Variants in PDE1A observed in about 807,000 individuals in gnomAD.
PDE1A encodes phosphodiesterase 1A.
In PDE1A, 35 loss-of-function variants were observed where a neutral mutation model predicts 61.7. The observed-to-expected ratio is 0.57, with a 90% CI of 0.43 to 0.75. The LOEUF is 0.75. PDE1A is among the 30% of genes least tolerant of loss of function. The probability of loss-of-function intolerance (pLI) is 0.00; values close to 1 mark genes in which losing one functional copy is unlikely to be tolerated. For missense variants in PDE1A, 597 were observed against 630.6 expected, an observed-to-expected ratio of 0.95 and a Z score of 0.57; for synonymous variants, 232 against 213.2, an observed-to-expected ratio of 1.09 and a Z score of -0.77.
chr2:182,143,133 A>G (rs1690307666), downstream of PDE1A: 2 of 152,222 alleles, frequency 1.3e-5, no homozygotes. Flanking sequence ...TTCCAGTTAG[A>G]TAGGAGGAAT....
At chr2:182,250,585 G>A (rs1691324037) in intron 2 of PDE1A, among the ~76,000 whole-genome samples, 1 of 151,930 alleles carries the variant, frequency 6.6e-6, no homozygotes, top group Non-Finnish European at 1.5e-5. Flanking sequence ...TTTCCTGATA[G>A]ATTTGTTCAA....
chr2:182,448,719 T>C (rs764343693), intron 2 of PDE1A, among the ~76,000 whole-genome samples: 1 of 152,124 alleles, frequency 6.6e-6, no homozygotes. Context: ...TTTAATTTAG[T>C]GCAGTTTGAT....
chr2:182,263,489 T>C (rs915337357), intron 2 of PDE1A, among the ~76,000 whole-genome samples: 5 of 152,202 alleles, frequency 3.3e-5, no homozygotes, highest in East Asian at 3.8e-4. Flanking sequence ...ACCTCTATTC[T>C]ACCTGCTTTA....
chr2:182,306,504 G>C (rs2577654), intron 1 of PDE1A, among the ~76,000 whole-genome samples: 141,457 of 152,058 alleles, frequency 0.93, 66,356 homozygotes, highest in East Asian at 0.99. Context: ...ACACACAAAA[G>C]CAAGGCAATA....
At chr2:182,269,598 T>C (rs930855100) in intron 1 of PDE1A, among the ~76,000 whole-genome samples, 5 of 152,090 alleles carry the variant, frequency 3.3e-5, no homozygotes, top group African/African-American at 1.2e-4. Flanking sequence ...TCTGAACTCA[T>C]TCTAGGTGAC....
chr2:182,649,632 A>C, the PDE1A span, among the ~76,000 whole-genome samples: 1 of 149,582 alleles, frequency 6.7e-6, no homozygotes, highest in African/African-American at 2.5e-5. Flanking sequence ...AAAAATTGAG[A>C]TGGAGTCTCG....
the PDE1A span, among the ~76,000 whole-genome samples, chr2:182,529,603 G>T: frequency 3.3e-5 from 5 of 152,108 alleles, no homozygotes; most frequent in Non-Finnish European, 5.9e-5. Context: ...TTTGGGAGGG[G>T]GCCAGGAGCG....
At chr2:182,407,612 C>A (rs1314077197) in intron 1 of PDE1A, among the ~76,000 whole-genome samples, 2 of 152,108 alleles carry the variant, frequency 1.3e-5, no homozygotes, top group African/African-American at 4.8e-5. Context: ...AAACCCCTGG[C>A]CTCAAGTGAT....
the PDE1A span, among the ~76,000 whole-genome samples, chr2:182,557,458 T>C: frequency 6.6e-6 from 1 of 152,052 alleles, no homozygotes; most frequent in African/African-American, 2.4e-5. Flanking sequence ...ACACCTGTAA[T>C]CTTAGCACTT....
At chr2:182,574,969 C>G in the PDE1A span, among the ~76,000 whole-genome samples, 2 of 152,208 alleles carry the variant, frequency 1.3e-5, no homozygotes, top group Non-Finnish European at 2.9e-5. Flanking sequence ...GAATTACAAG[C>G]ATGAGCCACC....
intron 2 of PDE1A, among the ~76,000 whole-genome samples, chr2:182,460,357 A>C (rs1220597064): frequency 6.6e-6 from 1 of 152,096 alleles, no homozygotes; most frequent in Non-Finnish European, 1.5e-5. Flanking sequence ...TCGACCTTTC[A>C]TTCAAAAACA....
At chr2:182,360,408 G>C (rs1425605333) in intron 1 of PDE1A, among the ~76,000 whole-genome samples, 1 of 152,004 alleles carries the variant, frequency 6.6e-6, no homozygotes, top group Non-Finnish European at 1.5e-5. Flanking sequence ...AGTATACTTA[G>C]GAAGTCACTG....
chr2:182,362,379 G>A (rs1385353816), intron 1 of PDE1A, among the ~76,000 whole-genome samples: 2 of 151,872 alleles, frequency 1.3e-5, no homozygotes, highest in Non-Finnish European at 2.9e-5. Context: ...ATAAAATAAT[G>A]TACGGTAGCC....
chr2:182,366,715 C>A (rs1009881429), intron 1 of PDE1A, among the ~76,000 whole-genome samples: 1 of 151,980 alleles, frequency 6.6e-6, no homozygotes, highest in Admixed American at 6.6e-5. Flanking sequence ...AATAGAACAT[C>A]ATTTCCTCAG....
At chr2:182,510,712 A>C (rs140256034) in intron 2 of PDE1A, among the ~76,000 whole-genome samples, 2 of 152,346 alleles carry the variant, frequency 1.3e-5, no homozygotes, top group African/African-American at 4.8e-5. Flanking sequence ...ATAGAGACCT[A>C]AAATCCACTA....
chr2:182,277,279 G>A (rs1445553875), intron 1 of PDE1A, among the ~76,000 whole-genome samples: 1 of 152,004 alleles, frequency 6.6e-6, no homozygotes, highest in Non-Finnish European at 1.5e-5. Flanking sequence ...TGTCACCCCT[G>A]GAGTCCCAGC....
At chr2:182,581,183 C>T in the PDE1A span, among the ~76,000 whole-genome samples, 10 of 152,102 alleles carry the variant, frequency 6.6e-5, no homozygotes, top group Non-Finnish European at 1.3e-4. Context: ...CTGGAAGATA[C>T]CTATTTTCAT....
chr2:182,421,313 A>C (rs1180822948), intron 1 of PDE1A, among the ~76,000 whole-genome samples: 1 of 152,180 alleles, frequency 6.6e-6, no homozygotes, highest in Non-Finnish European at 1.5e-5. Context: ...TCTAGCTGAG[A>C]AAACGACATT....
Position 182,242,140 on chromosome 2 carries a change from ACAGAAAC to A in PDE1A, c.168-1855_168-1849del, listed in dbSNP as rs1190691352. Reference sequence around the variant, plus strand: ...TTTGTCAGCTAATCTCCTTAGAATGACAGAAACCTGGCTGATGGTGCCAATTCCTCCA... The same window carrying A: ...TTTGTCAGCTAATCTCCTTAGAATGACTGGCTGATGGTGCCAATTCCTCCA... On this transcript the variant is annotated intron_variant, in intron 2 of 13. Transcript: ENST00000351439. 6.1e-6 allele frequency: 7 copies of A among 1,144,656 alleles called. No individual in the cohort carries two copies. In the Admixed American group the frequency reaches 1.3e-4, roughly 21 times the overall value. 70.9% of individuals were successfully genotyped at this position (1,144,656 alleles called of 1,614,324 possible).
Sources: gnomAD v4.1 joint callset for allele counts (sites outside exome capture counted in the v4.1 genomes callset) on GRCh38, gnomAD v4.1.1 for gene constraint, MANE v1.5 for transcripts, NCBI Gene and HGNC (gene_info 2026-07-23, HGNC 2026-07-21) for gene names.